The following EML1 variants were observed in gnomAD, a reference collection of about 807,000 sequenced individuals.
The protein encoded by EML1 is EMAP like 1, also known as echinoderm microtubule-associated protein-like 1.
Under a neutral mutation model 110.4 loss-of-function variants are expected in EML1, and 27 were observed. The observed-to-expected ratio is 0.24, with a 90% CI of 0.18 to 0.34. The LOEUF (loss-of-function observed/expected upper bound fraction) is 0.34, where lower values mean the gene tolerates loss of function less well. EML1 is among the 10% of genes least tolerant of loss of function. The pLI, the probability that EML1 is intolerant of heterozygous loss-of-function variation, is 1.00. For synonymous variants in EML1, 344 were observed against 385.8 expected, an observed-to-expected ratio of 0.89 and a Z score of 1.27; for missense variants, 741 against 1,030.9, an observed-to-expected ratio of 0.72 and a Z score of 3.85.
At chr14:99,886,698 G>A (rs1170345573) in intron 4 of EML1, among the ~76,000 whole-genome samples, 2 of 152,098 alleles carry the variant, frequency 1.3e-5, no homozygotes, top group African/African-American at 4.8e-5. Context: ...ACCACGTGTC[G>A]AAGACCTGCA....
rs1166691278 is a variant in EML1 at position 99,905,388 on chromosome 14, CT to C, written c.1009-2249del. On this transcript the variant is annotated intron_variant, in intron 9 of 21. Transcript: ENST00000262233. The surrounding 1 kb of genome is among the most constrained non-coding windows in gnomAD (Gnocchi z 4.1). ...ACGGTCTCTGGGCAAGATGGTGGCC[CT>C]GAGTAATAGAAAACATAAGAAAGGG... 6.6e-6 allele frequency among the ~76,000 whole-genome samples: 1 copy of C among 152,044 alleles called. No individual in the cohort carries two copies. The highest frequency in any genetic ancestry group is 1.5e-5 in the Non-Finnish European group (1 of 68,018).
intron 10 of EML1, 68 bp downstream of exon 10, chr14:99,907,801 T>C: frequency 6.7e-7 from 1 of 1,494,952 alleles, no homozygotes. Flanking sequence ...GGCATAGTGG[T>C]AGCCCCCTTT....
At chr14:99,836,985 G>A (rs1047532871) in intron 1 of EML1, among the ~76,000 whole-genome samples, 1 of 134,452 alleles carries the variant, frequency 7.4e-6, no homozygotes, top group Non-Finnish European at 1.6e-5. Context: ...TCTGGTAATT[G>A]TTCTAATTTT....
At chr14:99,760,487 G>A (rs1460834214) in intron 1 of EML1, among the ~76,000 whole-genome samples, 1 of 152,174 alleles carries the variant, frequency 6.6e-6, no homozygotes, top group Non-Finnish European at 1.5e-5. Context: ...CTGATGTTGG[G>A]ATTACTGTGC....
intron 1 of EML1, among the ~76,000 whole-genome samples, chr14:99,829,915 T>G (rs917553167): frequency 2.0e-5 from 3 of 152,264 alleles, no homozygotes; most frequent in Non-Finnish European, 2.9e-5. Flanking sequence ...TTGGGTTGTT[T>G]CTACCTTCTG....
rs140303526 is a variant in EML1 at position 99,752,948 on chromosome 14, C to T, written c.28+15088C>T. ...TATCCCAGGAAGCTGGAAGGCAGGG[C>T]GTGCAATGAAAGAACGAGGCCTCTG... On this transcript the variant is annotated intron_variant, in intron 1 of 10. Transcript: ENST00000554479. 1.9e-3 allele frequency among the ~76,000 whole-genome samples: 290 copies of T among 152,198 alleles called. 8 individuals carry two copies. The East Asian group carries it at 0.048, about 25-fold the overall frequency.
intron 1 of EML1, among the ~76,000 whole-genome samples, chr14:99,799,624 T>G (rs1001760147): frequency 6.6e-6 from 1 of 152,218 alleles, no homozygotes; most frequent in Non-Finnish European, 1.5e-5. Context: ...AAGGAACTTA[T>G]AGCCAAACCA....
At chr14:99,757,351 A>AG (rs1294962928) in intron 1 of EML1, among the ~76,000 whole-genome samples, 1 of 152,156 alleles carries the variant, frequency 6.6e-6, no homozygotes, top group East Asian at 1.9e-4. Flanking sequence ...AAAAAAAAAA[A>AG]AAAGAATTGT....
At chr14:99,928,233 G>A (rs528926599) in intron 17 of EML1, among the ~76,000 whole-genome samples, 23 of 99,494 alleles carry the variant, frequency 2.3e-4, no homozygotes, top group Middle Eastern at 5.3e-3. Flanking sequence ...GGTGGTGGTG[G>A]TGGTGGTGGT....
intron 1 of EML1, among the ~76,000 whole-genome samples, chr14:99,740,573 GC>G (rs1201462209): frequency 1.3e-5 from 2 of 152,148 alleles, no homozygotes; most frequent in Non-Finnish European, 2.9e-5. Flanking sequence ...GGGTGGGTGA[GC>G]CGGAGCTAAG....
intron 1 of EML1, among the ~76,000 whole-genome samples, chr14:99,739,041 G>A (rs1196687632): frequency 6.8e-6 from 1 of 147,894 alleles, no homozygotes; most frequent in Admixed American, 6.7e-5. Context: ...GTAGGATTTG[G>A]AACAGAGCAA....
chr14:99,743,756 T>C (rs2057072242), intron 1 of EML1, among the ~76,000 whole-genome samples: 1 of 152,230 alleles, frequency 6.6e-6, no homozygotes, highest in Admixed American at 6.5e-5. Context: ...TTTTCATCTA[T>C]GACAAGAGAT....
chr14:99,885,222 A>G (rs1009970620), intron 4 of EML1, among the ~76,000 whole-genome samples: 3 of 152,204 alleles, frequency 2.0e-5, no homozygotes, highest in Non-Finnish European at 2.9e-5. Context: ...TGAGAAATGC[A>G]TTGTTAGGTG....
intron 1 of EML1, among the ~76,000 whole-genome samples, chr14:99,839,705 T>G (rs576592431): frequency 6.6e-6 from 1 of 152,366 alleles, no homozygotes; most frequent in African/African-American, 2.4e-5. Context: ...GTTGTAGAGC[T>G]CTTTAAGATT....
At chr14:99,867,165 A>G (rs1388055177) in intron 3 of EML1, among the ~76,000 whole-genome samples, 1 of 152,074 alleles carries the variant, frequency 6.6e-6, no homozygotes, top group East Asian at 1.9e-4. Flanking sequence ...ATCAGTGGCT[A>G]TTCTGTACCA....
rs932280867 is a variant in EML1, at chr14:99,936,901, G to A, written c.2095+567G>A. 2.2e-4 allele frequency among the ~76,000 whole-genome samples: 33 copies of A among 152,328 alleles called. No homozygotes were observed. The highest frequency in any genetic ancestry group is 7.7e-4 in the African/African-American group (32 of 41,582). On this transcript the variant is annotated intron_variant, in intron 19 of 21. Transcript: ENST00000262233. The surrounding 1 kb of genome is among the most constrained non-coding windows in gnomAD (Gnocchi z 5.5). ...CACTGGTTCCTTAGACACCCACCAG[G>A]CACCTGCCACGTGCCCCACTCTGGG... is the stretch of plus-strand genomic sequence containing the variant.
intron 8 of EML1, among the ~76,000 whole-genome samples, chr14:99,899,039 G>GCAGT (rs1202524492): frequency 6.6e-6 from 1 of 152,156 alleles, no homozygotes; most frequent in African/African-American, 2.4e-5. Context: ...GTGTCTGTGT[G>GCAGT]CAGTCACAAA....
At chr14:99,782,352 C>T (rs910988112) in intron 1 of EML1, among the ~76,000 whole-genome samples, 2 of 152,180 alleles carry the variant, frequency 1.3e-5, no homozygotes, top group Non-Finnish European at 2.9e-5. Flanking sequence ...CAGGCAGTAC[C>T]AGCTAGGCTT....
intron 17 of EML1, 42 bp from the exon 18 acceptor site, chr14:99,935,987 G>A (rs1156322109): frequency 1.3e-6 from 2 of 1,535,596 alleles, no homozygotes; most frequent in Admixed American, 1.8e-5. Context: ...AACAAAATGT[G>A]TATTGTTAAC....
Sources: allele counts gnomAD v4.1 joint callset (sites outside exome capture counted in the v4.1 genomes callset), GRCh38; gene constraint gnomAD v4.1.1; non-coding constraint Gnocchi (gnomAD v3.1); transcripts MANE v1.5; gene names NCBI Gene and HGNC (gene_info 2026-07-23, HGNC 2026-07-21).